The following POU6F2 variants were observed in gnomAD, a reference collection of about 807,000 sequenced individuals.
POU6F2 encodes POU class 6 homeobox 2.
A neutral mutation model predicts 71.3 loss-of-function variants in POU6F2; 31 were observed. The observed-to-expected ratio is 0.43, with a 90% CI of 0.33 to 0.59. The LOEUF is 0.59. Ranked by LOEUF, POU6F2 falls within the 20% of genes least tolerant of loss-of-function variation. The pLI is 0.04. For missense variants in POU6F2, 783 were observed against 856.8 expected, an observed-to-expected ratio of 0.91 and a Z score of 1.07; for synonymous variants, 347 against 355.7, an observed-to-expected ratio of 0.98 and a Z score of 0.27.
At chr7:39,224,768 A>G (rs754975892) in intron 4 of POU6F2, among the ~76,000 whole-genome samples, 1 of 152,246 alleles carries the variant, frequency 6.6e-6, no homozygotes, top group East Asian at 1.9e-4. Context: ...CTGACAGCAC[A>G]TTCATTCACA....
chr7:39,271,725 A>G (rs1296146719), intron 4 of POU6F2, among the ~76,000 whole-genome samples: 1 of 152,132 alleles, frequency 6.6e-6, no homozygotes, highest in African/African-American at 2.4e-5. Context: ...CTATATGCTC[A>G]TTTTCAAACA....
intron 2 of POU6F2, among the ~76,000 whole-genome samples, chr7:39,132,094 C>T (rs971701421): frequency 6.6e-6 from 1 of 152,074 alleles, no homozygotes; most frequent in Non-Finnish European, 1.5e-5. Flanking sequence ...AAATACTAGG[C>T]CATATGAGAG....
At chr7:39,152,007 G>C (rs555251544) in intron 2 of POU6F2, among the ~76,000 whole-genome samples, 1 of 152,162 alleles carries the variant, frequency 6.6e-6, no homozygotes, top group African/African-American at 2.4e-5. Context: ...GAGGGCTCAC[G>C]ATAGAGAAAA....
At chr7:39,419,625 T>C (rs1232765202) in intron 6 of POU6F2, among the ~76,000 whole-genome samples, 1 of 152,100 alleles carries the variant, frequency 6.6e-6, no homozygotes, top group Non-Finnish European at 1.5e-5. Flanking sequence ...CTCATGAAAA[T>C]GGCAATTGTT....
At chr7:38,997,545 A>C (rs1161298046) in intron 1 of POU6F2, among the ~76,000 whole-genome samples, 3 of 152,118 alleles carry the variant, frequency 2.0e-5, no homozygotes, top group African/African-American at 7.2e-5. Flanking sequence ...GTTTTCTTTT[A>C]GGGGTATTAT....
intron 1 of POU6F2, among the ~76,000 whole-genome samples, chr7:39,047,622 A>T (rs1372586951): frequency 2.0e-5 from 3 of 151,992 alleles, no homozygotes; most frequent in African/African-American, 7.2e-5. Flanking sequence ...CTTTCTCCAT[A>T]CAAGATTATG....
intron 2 of POU6F2, among the ~76,000 whole-genome samples, chr7:39,193,350 C>T (rs1185810814): frequency 1.3e-5 from 2 of 152,146 alleles, no homozygotes; most frequent in Non-Finnish European, 2.9e-5. Flanking sequence ...CTCCACCCAC[C>T]ATACTGGGAA....
chr7:39,214,966 G>C (rs925316584), intron 4 of POU6F2, among the ~76,000 whole-genome samples: 5 of 152,202 alleles, frequency 3.3e-5, no homozygotes, highest in Non-Finnish European at 7.3e-5. Context: ...ATGCAGTTAT[G>C]CTATAATTTT....
At chr7:39,005,190 T>A (rs1030789806) in intron 1 of POU6F2, 13 of 152,336 alleles carry the variant, frequency 8.5e-5, no homozygotes, top group African/African-American at 2.9e-4. Context: ...TGCGCCTGTT[T>A]CAGCTCCAAG....
chr7:39,110,997 A>C (rs1584547596), intron 2 of POU6F2, among the ~76,000 whole-genome samples: 1 of 151,830 alleles, frequency 6.6e-6, no homozygotes, highest in Admixed American at 6.6e-5. Flanking sequence ...ATGTGTAAAA[A>C]ATTTTAAATA....
intron 4 of POU6F2, among the ~76,000 whole-genome samples, chr7:39,278,984 G>A (rs1462932262): frequency 1.3e-5 from 2 of 152,006 alleles, no homozygotes; most frequent in Non-Finnish European, 2.9e-5. Flanking sequence ...TCCCTAACCT[G>A]ACTTTTACAG....
At chr7:39,308,658 A>G (rs781389847) in intron 4 of POU6F2, among the ~76,000 whole-genome samples, 1 of 152,180 alleles carries the variant, frequency 6.6e-6, no homozygotes, top group Non-Finnish European at 1.5e-5. Flanking sequence ...CCCCTCTCTC[A>G]TACCAGGCAG....
intron 4 of POU6F2, among the ~76,000 whole-genome samples, chr7:39,320,640 C>A (rs1415711625): frequency 6.6e-6 from 1 of 152,156 alleles, no homozygotes; most frequent in Non-Finnish European, 1.5e-5. Flanking sequence ...TGTTCCAACA[C>A]CCCCAGTGGT....
At chr7:39,205,462 C>A (rs925507089) in intron 3 of POU6F2, among the ~76,000 whole-genome samples, 7 of 152,006 alleles carry the variant, frequency 4.6e-5, no homozygotes, top group African/African-American at 1.7e-4. Context: ...AGTGCATGCC[C>A]TGCCTTGAGC....
In POU6F2 at chr7:39,147,206, G is replaced by A. The variant is rs141750599; in HGVS notation, c.278-57029G>A. On this transcript the variant is annotated intron_variant, in intron 2 of 9. Coordinates refer to ENST00000518318, the MANE Select transcript of POU6F2 (RefSeq NM_001370959.1). ...TAAAAAATTCTTAGGTTGTATATTC[G>A]GTTGGTACAAAAGTAATTGGGGTGT... is the stretch of plus-strand genomic sequence containing the variant. 7.0e-3 allele frequency among the ~76,000 whole-genome samples: 1,068 copies of A among 152,030 alleles called. 12 individuals carry two copies. The highest frequency in any genetic ancestry group is 0.02 in the Middle Eastern group (6 of 294).
At chr7:39,440,688 G>A (rs963201207) in intron 7 of POU6F2, among the ~76,000 whole-genome samples, 1 of 152,120 alleles carries the variant, frequency 6.6e-6, no homozygotes, top group Non-Finnish European at 1.5e-5. Flanking sequence ...CTGTCAATTA[G>A]TTCATCTGAT....
chr7:39,128,548 A>C (rs977821824), intron 2 of POU6F2, among the ~76,000 whole-genome samples: 1 of 152,218 alleles, frequency 6.6e-6, no homozygotes, highest in Admixed American at 6.5e-5. Context: ...ATATTCCTGC[A>C]TAAGGATGTT....
chr7:39,145,765 G>C (rs896650427), intron 2 of POU6F2, among the ~76,000 whole-genome samples: 3 of 152,098 alleles, frequency 2.0e-5, no homozygotes, highest in South Asian at 4.2e-4. Context: ...GTGGGGTTGT[G>C]GATGATTCTT....
chr7:39,266,289 G>A (rs146102312), intron 4 of POU6F2, among the ~76,000 whole-genome samples: 34 of 152,308 alleles, frequency 2.2e-4, no homozygotes, highest in Non-Finnish European at 4.1e-4. Flanking sequence ...TCAGATACAC[G>A]TCTGCATTGA....
Sources: allele counts gnomAD v4.1 joint callset (sites outside exome capture counted in the v4.1 genomes callset), GRCh38; gene constraint gnomAD v4.1.1; transcripts MANE v1.5; gene names NCBI Gene and HGNC (gene_info 2026-07-23, HGNC 2026-07-21).